Variants in AK5 observed in about 807,000 individuals in gnomAD.
The protein encoded by AK5 is adenylate kinase 5, also known as adenylate kinase isoenzyme 5.
AK5 carries 27 observed loss-of-function variants against 69.5 expected under a neutral mutation model. That is an observed-to-expected ratio of 0.39 (90% CI 0.29 to 0.54). The LOEUF (loss-of-function observed/expected upper bound fraction) is 0.54, where lower values mean the gene tolerates loss of function less well. Among genes scored for constraint, AK5 ranks in the 20% least tolerant of loss-of-function variants. The pLI is 0.71. For synonymous variants in AK5, 260 were observed against 244.4 expected (o/e 1.06, Z -0.60); for missense variants, 531 against 700.4 (o/e 0.76, Z 2.73).
intron 6 of AK5, among the ~76,000 whole-genome samples, chr1:77,360,879 C>A (rs1646850813): frequency 1.3e-5 from 2 of 152,130 alleles, no homozygotes; most frequent in Admixed American, 6.5e-5. Context: ...AAACTCCCTG[C>A]CTTTTAGAAG....
intron 6 of AK5, among the ~76,000 whole-genome samples, chr1:77,395,497 T>G (rs1570496495): frequency 6.6e-6 from 1 of 152,266 alleles, no homozygotes; most frequent in Non-Finnish European, 1.5e-5. Flanking sequence ...CCAGTCCCCT[T>G]TAAGAGGAGG....
intron 6 of AK5, among the ~76,000 whole-genome samples, chr1:77,354,336 G>C (rs191823830): frequency 6.6e-6 from 1 of 152,038 alleles, no homozygotes; most frequent in Non-Finnish European, 1.5e-5. Flanking sequence ...CTAATGGGGG[G>C]GTACTGAAAG....
intron 8 of AK5, among the ~76,000 whole-genome samples, chr1:77,473,369 C>T (rs1276075991): frequency 6.6e-6 from 1 of 152,090 alleles, no homozygotes; most frequent in African/African-American, 2.4e-5. Context: ...AGGCATGAGA[C>T]ACCATGCCCA....
intron 6 of AK5, among the ~76,000 whole-genome samples, chr1:77,361,008 A>G (rs866740954): frequency 4.6e-5 from 7 of 152,136 alleles, no homozygotes; most frequent in East Asian, 1.9e-4. Flanking sequence ...ATAAAGACCA[A>G]TGCAAGCCCA....
chr1:77,401,864 C>G (rs954866239), intron 6 of AK5, among the ~76,000 whole-genome samples: 2 of 152,122 alleles, frequency 1.3e-5, no homozygotes. Flanking sequence ...CAAATTAAAA[C>G]ATGTGTTGTG....
At chr1:77,463,332 CACTT>C (rs1423441491) in intron 8 of AK5, among the ~76,000 whole-genome samples, 1 of 152,136 alleles carries the variant, frequency 6.6e-6, no homozygotes, top group Non-Finnish European at 1.5e-5. Flanking sequence ...TTGTACATCT[CACTT>C]AATTCAAGAA....
At chr1:77,336,442 T>C (rs1473802099) in intron 5 of AK5, among the ~76,000 whole-genome samples, 1 of 152,178 alleles carries the variant, frequency 6.6e-6, no homozygotes, top group Non-Finnish European at 1.5e-5. Flanking sequence ...AAAAGACAAC[T>C]AATAAAAACT....
In AK5 at chr1:77,518,652, T is replaced by C; in HGVS notation, c.1236T>C (p.Arg412=). The change falls in exon 11 of 14, where the codon CGT becomes CGC. Residue 412 remains arginine (R), a synonymous_variant. Transcript: ENST00000354567. ...ATCTCTCAACTGGCGAGCTCCTGCG[T>C]GAGGAACTGGCATCAGAATCTGAAA... ...FTHLSTGELL[R]EELASESERS... The C allele has an allele frequency of 6.2e-7, 1 of 1,614,182 alleles. No homozygotes were observed. The highest frequency in any genetic ancestry group is 8.5e-7 in the Non-Finnish European group (1 of 1,180,018).
chr1:77,377,573 A>G (rs946716150), intron 6 of AK5, among the ~76,000 whole-genome samples: 19 of 152,170 alleles, frequency 1.2e-4, no homozygotes, highest in African/African-American at 4.6e-4. Context: ...CTTTCCAACC[A>G]ATATCCACAT....
chr1:77,431,660 T>C (rs1314305383), intron 8 of AK5, among the ~76,000 whole-genome samples: 3 of 152,158 alleles, frequency 2.0e-5, no homozygotes, highest in Non-Finnish European at 4.4e-5. Context: ...TATCTCTTGG[T>C]TTAAAAGAAT....
chr1:77,364,621 T>G (rs1646920071), intron 6 of AK5, among the ~76,000 whole-genome samples: 1 of 152,198 alleles, frequency 6.6e-6, no homozygotes, highest in Non-Finnish European at 1.5e-5. Flanking sequence ...GACCATGTAG[T>G]GTTTAATTTT....
At chr1:77,529,575 G>A (rs537586800) in intron 12 of AK5, among the ~76,000 whole-genome samples, 120 of 152,118 alleles carry the variant, frequency 7.9e-4, no homozygotes, top group Non-Finnish European at 1.5e-3. Context: ...TGCCCACCTC[G>A]GCCTCCCAAA....
At chr1:77,556,844 A>C (rs1660128915) in intron 13 of AK5, among the ~76,000 whole-genome samples, 1 of 152,156 alleles carries the variant, frequency 6.6e-6, no homozygotes, top group Non-Finnish European at 1.5e-5. Context: ...AGAATTTGTT[A>C]AATATACAGA....
intron 6 of AK5, among the ~76,000 whole-genome samples, chr1:77,372,950 A>G (rs1647148966): frequency 6.6e-6 from 1 of 152,210 alleles, no homozygotes; most frequent in African/African-American, 2.4e-5. Flanking sequence ...TTGTTTCACC[A>G]TTCTTTTATT....
chr1:77,373,887 A>C (rs1647172896), intron 6 of AK5, among the ~76,000 whole-genome samples: 1 of 152,180 alleles, frequency 6.6e-6, no homozygotes, highest in Non-Finnish European at 1.5e-5. Context: ...TCATTTTTTA[A>C]ATTATTGCGA....
At chr1:77,355,600 C>T (rs1662470218) in intron 6 of AK5, among the ~76,000 whole-genome samples, 1 of 152,104 alleles carries the variant, frequency 6.6e-6, no homozygotes, top group African/African-American at 2.4e-5. Flanking sequence ...CAGATGCCCC[C>T]ACTCTGAGGT....
At chr1:77,481,815 A>G (rs1326946606) in intron 8 of AK5, among the ~76,000 whole-genome samples, 1 of 152,248 alleles carries the variant, frequency 6.6e-6, no homozygotes, top group Non-Finnish European at 1.5e-5. Flanking sequence ...AGCCTGCAGT[A>G]TGAAATGATA....
rs553951502 is a variant in AK5 at position 77,381,273 on chromosome 1, G to T, written c.892-29708G>T. 2.6e-5 allele frequency among the ~76,000 whole-genome samples: 4 copies of T among 152,246 alleles called. No individual in the cohort carries two copies. In the South Asian group the frequency reaches 8.3e-4, roughly 32 times the overall value. ...AACAAGAATGTTTATGAACTGGAAA[G>T]AGGGCCCTCACCAGACACTGAATCA... On this transcript the variant is annotated intron_variant, in intron 6 of 13. Coordinates refer to ENST00000354567, the MANE Select transcript of AK5 (RefSeq NM_174858.3).
intron 6 of AK5, among the ~76,000 whole-genome samples, chr1:77,401,687 G>A (rs1649225414): frequency 6.6e-6 from 1 of 152,090 alleles, no homozygotes; most frequent in Non-Finnish European, 1.5e-5. Context: ...GAAAATCAGA[G>A]CCAAAAGAAA....
Sources: allele counts gnomAD v4.1 joint callset (sites outside exome capture counted in the v4.1 genomes callset), GRCh38; gene constraint gnomAD v4.1.1; transcripts MANE v1.5; gene names NCBI Gene and HGNC (gene_info 2026-07-23, HGNC 2026-07-21).